The following STPG1 variants were observed in gnomAD, a reference collection of about 807,000 sequenced individuals.
STPG1 encodes the protein O(6)-methylguanine-induced apoptosis 2.
STPG1 carries 33 observed loss-of-function variants against 40.1 expected under a neutral mutation model. That is an observed-to-expected ratio of 0.82 (90% CI 0.62 to 1.10). STPG1 has a LOEUF of 1.10. Ranked by LOEUF, STPG1 falls within the 50% of genes least tolerant of loss-of-function variation. STPG1 has a pLI of 0.00. For missense variants in STPG1, 396 were observed against 415.1 expected (o/e 0.95, Z 0.40); for synonymous variants, 150 against 155.0 (o/e 0.97, Z 0.24).
Position 24,357,476 on chromosome 1 carries a change from T to A in STPG1, c.*1067A>T, listed in dbSNP as rs1453011893. ...CTGCCCAGACCCCACCCTGGAGGAG[T>A]TAAATCAGCATTTGTGGGTGGGCCC... On this transcript the variant is annotated 3_prime_UTR_variant, in exon 9 of 9. Transcript: ENST00000337248. 2.0e-5 allele frequency: 3 copies of A among 152,528 alleles called. No individual in the cohort carries two copies. The highest frequency in any genetic ancestry group is 4.4e-5 in the Non-Finnish European group (3 of 68,378). The allele number at this position is 152,528 out of a possible 1,614,324, so 9.4% of individuals were successfully genotyped here. A position where few individuals can be genotyped will look rare whatever the true frequency, so the allele number is the denominator to read the frequency against.
rs1228827608 is a variant in STPG1 at position 24,359,118 on chromosome 1, A to G, written c.929-499T>C. Reference sequence around the variant, plus strand: ...TCCCGTGCACAGCCTCTCTGTTCCTATACTTGGAAAGCCGCTCAGGGGAGC... The same window carrying G: ...TCCCGTGCACAGCCTCTCTGTTCCTGTACTTGGAAAGCCGCTCAGGGGAGC... On this transcript the variant is annotated intron_variant, in intron 8 of 8. Coordinates refer to ENST00000337248, the MANE Select transcript of STPG1 (RefSeq NM_001199013.2). The surrounding 1 kb of genome is among the most constrained non-coding windows in gnomAD (Gnocchi z 5.3). 6.6e-6 allele frequency among the ~76,000 whole-genome samples: 1 copy of G among 152,150 alleles called. No homozygotes were observed. The highest frequency in any genetic ancestry group is 1.5e-5 in the Non-Finnish European group (1 of 68,032).
chr1:24,404,115 C>G (rs904894985), intron 1 of STPG1, among the ~76,000 whole-genome samples: 9 of 152,090 alleles, frequency 5.9e-5, no homozygotes, highest in African/African-American at 2.2e-4. Context: ...CACTTCTAAT[C>G]TGTTTCCTAA....
Position 24,383,886 on chromosome 1 carries a change from G to T in STPG1, c.291+16C>A. The T allele has an allele frequency of 1.3e-6, 2 of 1,515,002 alleles. No homozygotes were observed. Among genetic ancestry groups the T allele is most frequent in the South Asian group, 2.2e-5 (2 of 89,060 alleles). The allele number at this position is 1,515,002 out of a possible 1,614,324, so 93.8% of individuals were successfully genotyped here. ...ACTGACCAGTTAATGCTTTACTCAA[G>T]AGAAGTGGTTCTCACCATTGAGGGA... On this transcript the variant is annotated intron_variant, in intron 4 of 8. Coordinates refer to ENST00000337248, the MANE Select transcript of STPG1 (RefSeq NM_001199013.2).
At chr1:24,391,429 G>A (rs1450016874) in intron 3 of STPG1, 132 bp downstream of exon 3, 5 of 561,082 alleles carry the variant, frequency 8.9e-6, no homozygotes, top group Non-Finnish European at 1.6e-5. Flanking sequence ...CAGTGGAGCT[G>A]GTGCCGCGGC....
chr1:24,371,218 G>GAGCCTTA (rs1557437681), intron 6 of STPG1, among the ~76,000 whole-genome samples: 1 of 151,990 alleles, frequency 6.6e-6, no homozygotes, highest in Non-Finnish European at 1.5e-5. Flanking sequence ...TTAATTTATG[G>GAGCCTTA]TACTATCATA....
rs114221389 is a variant in STPG1 at position 24,383,872 on chromosome 1, A to C, written c.291+30T>G. ...GAATGAAGGAAATTACTGACCAGTT[A>C]ATGCTTTACTCAAGAGAAGTGGTTC... On this transcript the variant is annotated intron_variant, in intron 4 of 8. Coordinates refer to ENST00000337248, the MANE Select transcript of STPG1 (RefSeq NM_001199013.2). 4.3e-3 allele frequency: 5,834 copies of C among 1,359,824 alleles called. 225 individuals are homozygous for C. The African/African-American group carries it at 0.073, about 17-fold the overall frequency. The allele number at this position is 1,359,824 out of a possible 1,614,324, so 84.2% of individuals were successfully genotyped here.
rs750873234 is a variant in STPG1, at chr1:24,358,500, G to A, written c.*43C>T. 6 of 1,508,096 alleles carry A rather than the reference G, an allele frequency of 4.0e-6. No homozygotes were observed. The highest frequency in any genetic ancestry group is 5.5e-6 in the Non-Finnish European group (6 of 1,083,176). 93.4% of individuals were successfully genotyped at this position (1,508,096 alleles called of 1,614,324 possible). On this transcript the variant is annotated 3_prime_UTR_variant, in exon 9 of 9. Transcript: ENST00000337248. ...GAATGTCCTGGGGACGCTGGGCAGG[G>A]TGGGCTGGTGGCTGGAGTTCTCCTT...
chr1:24,360,418 C>G (rs1418420654), intron 8 of STPG1, among the ~76,000 whole-genome samples: 1 of 152,132 alleles, frequency 6.6e-6, no homozygotes, highest in Non-Finnish European at 1.5e-5. Flanking sequence ...TGCACTCCAG[C>G]CTGGGCGATA....
intron 3 of STPG1, among the ~76,000 whole-genome samples, chr1:24,390,643 T>C (rs522204): frequency 0.19 from 29,428 of 152,108 alleles, 3,243 homozygotes; most frequent in East Asian, 0.29. Flanking sequence ...GGTCTCGAAC[T>C]TGTGACCTCA....
rs1199853867 is a variant in STPG1 at position 24,407,045 on chromosome 1, TG to T, written c.-68-5590del. On this transcript the variant is annotated intron_variant, in intron 1 of 8. Transcript: ENST00000337248. ...TACTTCCCCAGTATTTCCTACAATA[TG>T]GTGTTTCCTCAGTATTTCCCCATTC... Among the ~76,000 whole-genome samples, 7 of 152,200 alleles carry T rather than the reference TG, an allele frequency of 4.6e-5. No homozygotes were observed. In the East Asian group the frequency reaches 1.3e-3, roughly 29 times the overall value.
chr1:24,393,093 G>A (rs762058650), intron 2 of STPG1, among the ~76,000 whole-genome samples: 1 of 152,186 alleles, frequency 6.6e-6, no homozygotes, highest in Non-Finnish European at 1.5e-5. Flanking sequence ...TTACTCATCC[G>A]AATCACCCAG....
intron 2 of STPG1, among the ~76,000 whole-genome samples, chr1:24,394,169 C>T (rs554834515): frequency 4.6e-5 from 7 of 152,270 alleles, no homozygotes; most frequent in African/African-American, 1.4e-4. Context: ...TCCACAGGGC[C>T]GGGAATAGCT....
At chr1:24,398,951 TAG>T (rs1643111828) in intron 2 of STPG1, among the ~76,000 whole-genome samples, 1 of 151,922 alleles carries the variant, frequency 6.6e-6, no homozygotes, top group South Asian at 2.1e-4. Context: ...AAAATGAGAG[TAG>T]AGTTTTTTTA....
chr1:24,384,278 T>C (rs1406827183), intron 3 of STPG1, among the ~76,000 whole-genome samples: 2 of 152,188 alleles, frequency 1.3e-5, no homozygotes, highest in African/African-American at 4.8e-5. Context: ...AACACAGTTG[T>C]TTTTTCAAGT....
rs977091429 is a variant in STPG1 at position 24,389,499 on chromosome 1, G to C, written c.189+2062C>G. Among the ~76,000 whole-genome samples, 12 of 152,204 alleles carry C rather than the reference G, an allele frequency of 7.9e-5. No homozygotes were observed. In the South Asian group the frequency reaches 2.3e-3, roughly 29 times the overall value. ...TTGATTCAGCAAACATTTACTTTGAGCCTCTTAAGTGCCAAACCCTGCATT... is the reference window on the plus strand; with the variant it reads ...TTGATTCAGCAAACATTTACTTTGACCCTCTTAAGTGCCAAACCCTGCATT... On this transcript the variant is annotated intron_variant, in intron 3 of 8. Transcript: ENST00000337248.
At chr1:24,382,450 T>A (rs563187646) in intron 4 of STPG1, among the ~76,000 whole-genome samples, 14 of 152,302 alleles carry the variant, frequency 9.2e-5, no homozygotes, top group African/African-American at 3.4e-4. Context: ...TCCACTTTCA[T>A]GAGGCAACTG....
At position 24,399,102 on chromosome 1, in the gene STPG1, A is replaced by C. The variant is rs1643119580; in HGVS notation, c.70+2217T>G. 6.6e-6 allele frequency among the ~76,000 whole-genome samples: 1 copy of C among 152,192 alleles called. No homozygotes were observed. Among genetic ancestry groups the C allele is most frequent in the East Asian group, 1.9e-4 (1 of 5,206 alleles). On this transcript the variant is annotated intron_variant, in intron 2 of 8. Coordinates refer to ENST00000337248, the MANE Select transcript of STPG1 (RefSeq NM_001199013.2). The surrounding 1 kb of genome is among the most constrained non-coding windows in gnomAD (Gnocchi z 4.0). ...GTATCCATAAAAATTAAAAATAAAA[A>C]AGTAAAATAAATTTATATGGAAATG... is the stretch of plus-strand genomic sequence containing the variant.
chr1:24,358,118 AAATG>A lies in STPG1; in HGVS notation c.*421_*424del, dbSNP rs776534645. 7.0e-6 allele frequency: 3 copies of A among 429,992 alleles called. No homozygotes were observed. The highest frequency in any genetic ancestry group is 1.4e-5 in the Non-Finnish European group (3 of 214,268). 26.6% of individuals were successfully genotyped at this position (429,992 alleles called of 1,614,324 possible). On this transcript the variant is annotated 3_prime_UTR_variant, in exon 9 of 9. Coordinates refer to ENST00000337248, the MANE Select transcript of STPG1 (RefSeq NM_001199013.2). ...GGAGTGAGGGAATGAATGAATGTGT[AAATG>A]AATGAAGGAATGAAACAGGGAAGGG...
chr1:24,396,270 G>GCTATCTAT (rs369677161), intron 2 of STPG1, among the ~76,000 whole-genome samples: 81 of 127,684 alleles, frequency 6.3e-4, no homozygotes, highest in African/African-American at 1.8e-3. Flanking sequence ...TCCATCTATA[G>GCTATCTAT]CTATCTATCT....
Sources: allele counts gnomAD v4.1 joint callset (sites outside exome capture counted in the v4.1 genomes callset), GRCh38; gene constraint gnomAD v4.1.1; non-coding constraint Gnocchi (gnomAD v3.1); transcripts MANE v1.5; gene names NCBI Gene and HGNC (gene_info 2026-07-23, HGNC 2026-07-21).